CHST12: variants seen among roughly 807,000 people sequenced by gnomAD.
The protein encoded by CHST12 is carbohydrate (chondroitin 4) sulfotransferase 12.
Under a neutral mutation model 27.9 loss-of-function variants are expected in CHST12, and 23 were observed. That is an observed-to-expected ratio of 0.82 (90% CI 0.59 to 1.17). The LOEUF (loss-of-function observed/expected upper bound fraction) is 1.17. Ranked by LOEUF, CHST12 falls within the 50% of genes most tolerant of loss-of-function variation. CHST12 has a pLI of 0.00. For synonymous variants in CHST12, 322 were observed against 273.0 expected, an observed-to-expected ratio of 1.18 and a Z score of -1.77; for missense variants, 682 against 603.0, an observed-to-expected ratio of 1.13 and a Z score of -1.37.
At chr7:2,415,611 CTTTT>C (rs1162682435) in intron 1 of CHST12, among the ~76,000 whole-genome samples, 38 of 148,952 alleles carry the variant, frequency 2.6e-4, no homozygotes, top group Admixed American at 2.1e-3. Context: ...AATTTCTTTT[CTTTT>C]TTCTTTTTTT....
At chr7:2,406,023 A>C (rs1781515366) in intron 1 of CHST12, among the ~76,000 whole-genome samples, 2 of 152,108 alleles carry the variant, frequency 1.3e-5, no homozygotes, top group African/African-American at 4.8e-5. Flanking sequence ...ATTCTCTTCT[A>C]GTGTGGGTCA....
At position 2,446,543 on chromosome 7, in the gene CHST12, AC is replaced by A. The variant is rs1417358677; in HGVS notation, c.*12663del. ...CTCAGCGCTGCGGCTATGTCCAGGGACCCCTGGCTGTGCCCACGTCGGGGCT... is the reference window on the plus strand; with the variant it reads ...CTCAGCGCTGCGGCTATGTCCAGGGACCCTGGCTGTGCCCACGTCGGGGCT... On this transcript the variant is annotated 3_prime_UTR_variant, in exon 2 of 2. Transcript: ENST00000618655. 6.6e-6 allele frequency: 1 copy of A among 152,502 alleles called. No homozygotes were observed. Among genetic ancestry groups the A allele is most frequent in the Non-Finnish European group, 1.5e-5 (1 of 68,056 alleles). The allele number at this position is 152,502 out of a possible 1,614,324, so 9.4% of individuals were successfully genotyped here.
Position 2,437,530 on chromosome 7 carries a change from C to T in CHST12, c.*3646C>T, listed in dbSNP as rs1782500879. 6.6e-6 allele frequency: 1 copy of T among 152,176 alleles called. No homozygotes were observed. The highest frequency in any genetic ancestry group is 6.5e-5 in the Admixed American group (1 of 15,272). The allele number at this position is 152,176 out of a possible 1,614,324, so 9.4% of individuals were successfully genotyped here. On this transcript the variant is annotated 3_prime_UTR_variant, in exon 2 of 2. Transcript: ENST00000618655. The stretch of plus-strand genomic sequence containing the variant: ...ATATTTAGTGGAGTTTGCTGTAGTG[C>T]TTTTGCCATTTATTTGGACTATTGG...
At chr7:2,412,791 C>T (rs576071116) in intron 1 of CHST12, among the ~76,000 whole-genome samples, 1 of 152,270 alleles carries the variant, frequency 6.6e-6, no homozygotes, top group South Asian at 2.1e-4. Context: ...CATCCCAGTT[C>T]ATGTGAGGAT....
chr7:2,408,423 T>G (rs906590612), intron 1 of CHST12, among the ~76,000 whole-genome samples: 3 of 149,380 alleles, frequency 2.0e-5, no homozygotes, highest in African/African-American at 7.4e-5. Context: ...GACATACTGT[T>G]GTGAAATCTC....
At chr7:2,424,678 A>T (rs1376609394) in intron 1 of CHST12, among the ~76,000 whole-genome samples, 1 of 152,138 alleles carries the variant, frequency 6.6e-6, no homozygotes, top group Non-Finnish European at 1.5e-5. Flanking sequence ...CACTGGGCTG[A>T]CTGTGCTGTC....
In CHST12 at chr7:2,437,807, G is replaced by C. The variant is rs1440185310; in HGVS notation, c.*3923G>C. 6.6e-6 allele frequency: 1 copy of C among 152,338 alleles called. No homozygotes were observed. The allele number at this position is 152,338 out of a possible 1,614,324, so 9.4% of individuals were successfully genotyped here. A position where few individuals can be genotyped will look rare whatever the true frequency, so the allele number is the denominator to read the frequency against. On this transcript the variant is annotated 3_prime_UTR_variant, in exon 2 of 2. Coordinates refer to ENST00000618655, the MANE Select transcript of CHST12 (RefSeq NM_018641.5). Reference sequence around the variant, plus strand: ...TTTTCTTGTTTCCTTCTTCCAGAGGGTGTAGGAGTTGTGTTCCAAGTTTGT... The same window carrying C: ...TTTTCTTGTTTCCTTCTTCCAGAGGCTGTAGGAGTTGTGTTCCAAGTTTGT...
chr7:2,431,399 C>T (rs538972526), intron 1 of CHST12, among the ~76,000 whole-genome samples: 1 of 152,364 alleles, frequency 6.6e-6, no homozygotes, highest in African/African-American at 2.4e-5. Flanking sequence ...TGCCCCACCT[C>T]TAACCACCTC....
rs62444203 is a variant in CHST12 at position 2,437,774 on chromosome 7, C to G, written c.*3890C>G. On this transcript the variant is annotated 3_prime_UTR_variant, in exon 2 of 2. Coordinates refer to ENST00000618655, the MANE Select transcript of CHST12 (RefSeq NM_018641.5). ...CACACACTCTCTCTCACACACACAT[C>G]GGGATATTTTTCTTGTTTCCTTCTT... 2.0e-5 allele frequency: 3 copies of G among 152,048 alleles called. No individual in the cohort carries two copies. Among genetic ancestry groups the G allele is most frequent in the Admixed American group, 1.3e-4 (2 of 15,258 alleles). The allele number at this position is 152,048 out of a possible 1,614,324, so 9.4% of individuals were successfully genotyped here.
intron 1 of CHST12, among the ~76,000 whole-genome samples, chr7:2,427,307 G>A (rs770622697): frequency 4.6e-5 from 7 of 152,082 alleles, no homozygotes; most frequent in Middle Eastern, 3.2e-3. Flanking sequence ...AAGACCAGCC[G>A]GGTTAACATG....
chr7:2,417,387 CTT>C (rs769115925), intron 1 of CHST12, among the ~76,000 whole-genome samples: 7 of 129,670 alleles, frequency 5.4e-5, no homozygotes, highest in East Asian at 4.3e-4. Flanking sequence ...CCATGTCTGA[CTT>C]TTTTTTTTTT....
rs1288732620 is a variant in CHST12, at chr7:2,435,264, A to C, written c.*1380A>C. On this transcript the variant is annotated 3_prime_UTR_variant, in exon 2 of 2. Transcript: ENST00000618655. ...TAGATAGATAGATTAAATAGAAAGT[A>C]AACTATGGCTGTTGAGGTTTACAGT... 6.6e-6 allele frequency: 1 copy of C among 152,254 alleles called. No individual in the cohort carries two copies. Among genetic ancestry groups the C allele is most frequent in the Non-Finnish European group, 1.5e-5 (1 of 68,080 alleles). 9.4% of individuals were successfully genotyped at this position (152,254 alleles called of 1,614,324 possible).
Position 2,432,850 on chromosome 7 carries a change from G to A in CHST12, c.211G>A (p.Asp71Asn). The A allele has an allele frequency of 6.2e-7, 1 of 1,613,856 alleles. No homozygotes were observed. Among genetic ancestry groups the A allele is most frequent in the Admixed American group, 1.7e-5 (1 of 60,024 alleles). Residue 71 changes from aspartate to asparagine, a missense_variant, in exon 2 of 2, where the codon GAC becomes AAC. Asp to Asn is a conservative substitution (Grantham distance 23). Transcript: ENST00000618655. ...TADSDVDEFL[D>N]KFLSAGVKQS... Reference sequence around the variant, plus strand: ...CGACTCCGATGTCGACGAGTTTCTGGACAAGTTTCTCAGTGCTGGCGTGAA... The same window carrying A: ...CGACTCCGATGTCGACGAGTTTCTGAACAAGTTTCTCAGTGCTGGCGTGAA...
intron 1 of CHST12, among the ~76,000 whole-genome samples, chr7:2,425,371 A>G (rs1467897466): frequency 1.3e-5 from 2 of 152,144 alleles, no homozygotes; most frequent in East Asian, 3.8e-4. Context: ...GGGCTCTTCC[A>G]GAAACCCCAG....
chr7:2,404,573 A>T (rs1359349020), intron 1 of CHST12, among the ~76,000 whole-genome samples: 1 of 152,202 alleles, frequency 6.6e-6, no homozygotes, highest in African/African-American at 2.4e-5. Flanking sequence ...GGGACAGCTC[A>T]GCGGGTCCCC....
intron 1 of CHST12, among the ~76,000 whole-genome samples, chr7:2,425,691 C>CTTTTTTTTT (rs760502452): frequency 1.8e-4 from 25 of 137,862 alleles, no homozygotes; most frequent in African/African-American, 6.2e-4. Context: ...ACTGCATTTG[C>CTTTTTTTTT]TTTTTTTTTT....
At chr7:2,411,481 A>G (rs1262456925) in intron 1 of CHST12, among the ~76,000 whole-genome samples, 3 of 106,480 alleles carry the variant, frequency 2.8e-5, no homozygotes, top group Non-Finnish European at 3.6e-5. Context: ...TCTTTGAGTT[A>G]ACTTAACTCT....
At chr7:2,423,810 C>A (rs908531445) in intron 1 of CHST12, among the ~76,000 whole-genome samples, 3 of 152,164 alleles carry the variant, frequency 2.0e-5, no homozygotes, top group African/African-American at 7.2e-5. Flanking sequence ...AGAGGCCAGG[C>A]GTGGTGGCTC....
chr7:2,427,525 C>T (rs1226431334), intron 1 of CHST12, among the ~76,000 whole-genome samples: 2 of 151,118 alleles, frequency 1.3e-5, no homozygotes, highest in Non-Finnish European at 3.0e-5. Flanking sequence ...AAAGTTTACA[C>T]ATTTGTTTGA....
Sources: allele counts gnomAD v4.1 joint callset (sites outside exome capture counted in the v4.1 genomes callset), GRCh38; gene constraint gnomAD v4.1.1; transcripts MANE v1.5; gene names NCBI Gene and HGNC (gene_info 2026-07-23, HGNC 2026-07-21).